Variants in ZFAT observed in about 807,000 individuals in gnomAD.
ZFAT encodes the protein zinc finger and AT-hook domain containing.
Under a neutral mutation model 117.7 loss-of-function variants are expected in ZFAT, and 64 were observed. The observed-to-expected ratio is 0.54, with a 90% CI of 0.44 to 0.67. ZFAT has a LOEUF of 0.67. Among genes scored for constraint, ZFAT ranks in the 30% least tolerant of loss-of-function variants. ZFAT has a pLI of 0.00. For missense variants in ZFAT, 1,433 were observed against 1,584.5 expected, an observed-to-expected ratio of 0.90 and a Z score of 1.62; for synonymous variants, 679 against 615.0, an observed-to-expected ratio of 1.10 and a Z score of -1.54.
intron 9 of ZFAT, among the ~76,000 whole-genome samples, chr8:134,586,668 C>T (rs760485719): frequency 1.3e-5 from 2 of 152,232 alleles, no homozygotes; most frequent in Non-Finnish European, 2.9e-5. Flanking sequence ...CCATCGGCTA[C>T]GAATGCCTTC....
intron 7 of ZFAT, chr8:134,599,001 C>A (rs1827186526): frequency 6.6e-6 from 1 of 152,236 alleles, no homozygotes; most frequent in African/African-American, 2.4e-5. Context: ...AACTTGTTCT[C>A]ATATTGGCTT....
chr8:134,518,672 T>A (rs938422700), intron 13 of ZFAT, among the ~76,000 whole-genome samples: 3 of 151,984 alleles, frequency 2.0e-5, no homozygotes, highest in East Asian at 3.9e-4. Flanking sequence ...TTTTTCTATA[T>A]AAAAAAATAT....
At chr8:134,618,369 G>A (rs1348855855) in intron 3 of ZFAT, among the ~76,000 whole-genome samples, 1 of 152,188 alleles carries the variant, frequency 6.6e-6, no homozygotes, top group Middle Eastern at 3.2e-3. Context: ...ACCCCAGGCT[G>A]TCCTGGTATG....
intron 15 of ZFAT, among the ~76,000 whole-genome samples, chr8:134,490,109 C>A (rs529510907): frequency 2.0e-5 from 3 of 152,184 alleles, no homozygotes; most frequent in Non-Finnish European, 4.4e-5. Flanking sequence ...ACCACAAGAG[C>A]CCTTAAGCGA....
the ZFAT span, among the ~76,000 whole-genome samples, chr8:134,779,413 A>G: frequency 3.3e-5 from 5 of 151,802 alleles, no homozygotes; most frequent in Admixed American, 6.5e-5. Context: ...AGATGCAGAA[A>G]CGTACTTATT....
Position 134,712,763 on chromosome 8 carries a change from C to G in ZFAT, c.19+82G>C. ...CGGCGGCCGGCGCACTGCTTCCCGA[C>G]TCGACGCTCGAAACGGCTTTCCGCG... On this transcript the variant is annotated intron_variant, in intron 1 of 15. Transcript: ENST00000377838. 1.0e-5 allele frequency: 14 copies of G among 1,393,096 alleles called. No individual in the cohort carries two copies. The South Asian group carries it at 1.7e-4, about 17-fold the overall frequency. 86.3% of individuals were successfully genotyped at this position (1,393,096 alleles called of 1,614,324 possible).
chr8:134,625,746 T>G (rs1357468011), intron 3 of ZFAT, among the ~76,000 whole-genome samples: 1 of 152,208 alleles, frequency 6.6e-6, no homozygotes. Context: ...CTCCCTGTGA[T>G]GGGAAGCCTC....
At chr8:134,557,184 G>T (rs964807936) in intron 11 of ZFAT, among the ~76,000 whole-genome samples, 1 of 152,058 alleles carries the variant, frequency 6.6e-6, no homozygotes, top group Non-Finnish European at 1.5e-5. Flanking sequence ...ATAAGTTAAG[G>T]TCTACAGCAA....
At position 134,602,840 on chromosome 8, in the gene ZFAT, G is replaced by A. The variant is rs143741585; in HGVS notation, c.879C>T (p.His293=). 5.0e-5 allele frequency: 81 copies of A among 1,614,184 alleles called. No individual in the cohort carries two copies. In the African/African-American group the frequency reaches 1.0e-3, roughly 20 times the overall value. Residue 293 remains histidine, a synonymous_variant, in exon 6 of 16, where the codon CAC becomes CAT. Transcript: ENST00000377838. ...KHSLQAHLRI[H]TNEKPYKCPQ... is the part of the protein sequence containing the mutation. ...GGCACTTGTATGGCTTTTCATTGGT[G>A]TGGATCCTCAGGTGGGCCTGCAGCG...
the ZFAT span, chr8:134,784,620 T>C: frequency 6.6e-6 from 1 of 152,166 alleles, no homozygotes. Context: ...TAAACTGCTG[T>C]TGCTTTTCTG....
chr8:134,554,864 C>A (rs550658813), intron 11 of ZFAT, among the ~76,000 whole-genome samples: 2 of 152,318 alleles, frequency 1.3e-5, no homozygotes, highest in East Asian at 3.9e-4. Flanking sequence ...GTCCTTGATC[C>A]TCTTCTCAGA....
At chr8:134,503,982 A>G (rs1819196443) in intron 15 of ZFAT, among the ~76,000 whole-genome samples, 1 of 152,120 alleles carries the variant, frequency 6.6e-6, no homozygotes, top group African/African-American at 2.4e-5. Context: ...TGTTTCTCTA[A>G]GAAACTCTGA....
chr8:134,773,093 CAAAAAAAAA>C, the ZFAT span, among the ~76,000 whole-genome samples: 4 of 104,092 alleles, frequency 3.8e-5, no homozygotes, highest in African/African-American at 7.2e-5. Flanking sequence ...AATCCCAATT[CAAAAAAAAA>C]AAAAAAAAAA....
At chr8:134,543,240 C>G (rs1822418222) in intron 11 of ZFAT, among the ~76,000 whole-genome samples, 1 of 151,342 alleles carries the variant, frequency 6.6e-6, no homozygotes. Context: ...TACAAATCCC[C>G]AGATGACCTG....
intron 1 of ZFAT, among the ~76,000 whole-genome samples, chr8:134,674,520 G>C (rs1227078221): frequency 1.3e-5 from 2 of 152,200 alleles, no homozygotes; most frequent in Non-Finnish European, 2.9e-5. Context: ...CAGCTCCCTG[G>C]GACGGAGCAC....
chr8:134,741,216 C>G, the ZFAT span, among the ~76,000 whole-genome samples: 1 of 152,080 alleles, frequency 6.6e-6, no homozygotes, highest in Non-Finnish European at 1.5e-5. Context: ...TCGCCCCCAC[C>G]CCTCATAGAC....
chr8:134,815,511 C>T, the ZFAT span, among the ~76,000 whole-genome samples: 1 of 152,172 alleles, frequency 6.6e-6, no homozygotes, highest in South Asian at 2.1e-4. Flanking sequence ...GATCACAACA[C>T]CTCTGTTTTA....
chr8:134,480,115 C>T (rs1385147768), intron 15 of ZFAT, among the ~76,000 whole-genome samples: 3 of 152,074 alleles, frequency 2.0e-5, no homozygotes, highest in African/African-American at 7.2e-5. Context: ...GTATGTGCCA[C>T]CACACCCAAT....
intron 7 of ZFAT, 75 bp downstream of exon 7, chr8:134,600,361 T>A: frequency 7.6e-7 from 1 of 1,317,388 alleles, no homozygotes; most frequent in Non-Finnish European, 1.1e-6. Flanking sequence ...CAGAGACACC[T>A]ACATATAAGC....
Sources: allele counts gnomAD v4.1 joint callset (sites outside exome capture counted in the v4.1 genomes callset), GRCh38; gene constraint gnomAD v4.1.1; transcripts MANE v1.5; gene names NCBI Gene and HGNC (gene_info 2026-07-23, HGNC 2026-07-21).